The following PTPRO variants were observed in gnomAD, a reference collection of about 807,000 sequenced individuals.
PTPRO encodes receptor-type tyrosine-protein phosphatase O.
Under a neutral mutation model 145.2 loss-of-function variants are expected in PTPRO, and 62 were observed. The ratio of observed to expected loss-of-function variants is 0.43; its 90% CI spans 0.35 to 0.53. The LOEUF (loss-of-function observed/expected upper bound fraction) is 0.53. PTPRO is among the 20% of genes least tolerant of loss of function. The pLI is 0.01. For synonymous variants in PTPRO, 565 were observed against 514.7 expected, an observed-to-expected ratio of 1.10 and a Z score of -1.32; for missense variants, 1,345 against 1,482.7, an observed-to-expected ratio of 0.91 and a Z score of 1.53.
chr12:15,422,436 C>A (rs1373107905), intron 1 of PTPRO, among the ~76,000 whole-genome samples: 1 of 152,016 alleles, frequency 6.6e-6, no homozygotes, highest in Non-Finnish European at 1.5e-5. Context: ...AAAAATTCTC[C>A]ATAATTGAGT....
At chr12:15,542,064 G>T (rs1432872896) in intron 12 of PTPRO, among the ~76,000 whole-genome samples, 1 of 152,122 alleles carries the variant, frequency 6.6e-6, no homozygotes, top group Non-Finnish European at 1.5e-5. Context: ...TTCAGCATAT[G>T]AATTTAGGCG....
At chr12:15,340,765 G>A (rs1358324591) in intron 1 of PTPRO, among the ~76,000 whole-genome samples, 1 of 152,136 alleles carries the variant, frequency 6.6e-6, no homozygotes, top group Admixed American at 6.5e-5. Context: ...AAGCCTGTAT[G>A]AGATTTTGTG....
chr12:15,376,148 G>A (rs1434679318), intron 1 of PTPRO, among the ~76,000 whole-genome samples: 2 of 151,884 alleles, frequency 1.3e-5, no homozygotes, highest in African/African-American at 4.8e-5. Context: ...ATAAAGTCAA[G>A]GAGACCCACA....
chr12:15,580,300 T>C (rs1944282842), intron 21 of PTPRO, among the ~76,000 whole-genome samples, 185 bp downstream of exon 21: 1 of 152,244 alleles, frequency 6.6e-6, no homozygotes. Context: ...AGATTACTAA[T>C]GTTTCTATTT....
chr12:15,325,395 T>C (rs1866416757), intron 1 of PTPRO, among the ~76,000 whole-genome samples: 1 of 152,334 alleles, frequency 6.6e-6, no homozygotes, highest in South Asian at 2.1e-4. Flanking sequence ...TCCTTATCCA[T>C]GGAGCAGTGA....
Position 15,508,640 on chromosome 12 carries a change from C to T in PTPRO, c.1337C>T (p.Ser446Leu). 3 of 1,614,082 alleles carry T rather than the reference C, an allele frequency of 1.9e-6. No individual in the cohort carries two copies. Among genetic ancestry groups the T allele is most frequent in the Admixed American group, 1.7e-5 (1 of 60,004 alleles). ...CACGTGAGTGTCCACGTTTTAAGCT[C>T]AACCACTGCCTTGATGTCCTGGACA... ...PQHVSVHVLS[S>L]TTALMSWTSS... The change falls in exon 7 of 27, where the codon TCA becomes TTA. Residue 446 changes from serine (S) to leucine (L), a missense_variant. Transcript: ENST00000281171.
At chr12:15,432,256 T>C (rs1224738960) in intron 1 of PTPRO, among the ~76,000 whole-genome samples, 1 of 152,244 alleles carries the variant, frequency 6.6e-6, no homozygotes, top group Non-Finnish European at 1.5e-5. Context: ...ATGCAGTATT[T>C]GGTTTTCCAT....
intron 1 of PTPRO, among the ~76,000 whole-genome samples, chr12:15,340,238 C>G (rs143668426): frequency 6.6e-6 from 1 of 152,292 alleles, no homozygotes; most frequent in African/African-American, 2.4e-5. Context: ...GTCCATTTGA[C>G]CACAGAACTC....
intron 24 of PTPRO, 113 bp downstream of exon 24, chr12:15,587,164 G>C: frequency 1.6e-6 from 2 of 1,218,840 alleles, no homozygotes; most frequent in Non-Finnish European, 2.3e-6. Context: ...AATAAACTCT[G>C]ATGTTTTTTA....
chr12:15,571,926 A>G (rs938721486), intron 19 of PTPRO, among the ~76,000 whole-genome samples: 1 of 152,216 alleles, frequency 6.6e-6, no homozygotes, highest in African/African-American at 2.4e-5. Flanking sequence ...TGAAAAGCAG[A>G]ATTATAAATT....
intron 1 of PTPRO, among the ~76,000 whole-genome samples, chr12:15,436,520 AC>A (rs2136350228): frequency 6.6e-6 from 1 of 152,296 alleles, no homozygotes; most frequent in African/African-American, 2.4e-5. Context: ...TCTGTGACTT[AC>A]CTTTCCACTG....
chr12:15,576,436 C>G (rs1262898452), intron 19 of PTPRO, among the ~76,000 whole-genome samples: 1 of 152,148 alleles, frequency 6.6e-6, no homozygotes, highest in Non-Finnish European at 1.5e-5. Flanking sequence ...AGTCAGCTTC[C>G]ACAATTAAAG....
chr12:15,337,530 C>A (rs1358598701), intron 1 of PTPRO: 1 of 152,166 alleles, frequency 6.6e-6, no homozygotes, highest in Non-Finnish European at 1.5e-5. Flanking sequence ...TCGCCCATCT[C>A]ACTCATCCAT....
chr12:15,417,587 A>C (rs534740452), intron 1 of PTPRO, among the ~76,000 whole-genome samples: 1 of 151,874 alleles, frequency 6.6e-6, no homozygotes, highest in East Asian at 1.9e-4. Context: ...AGACTTACTA[A>C]ATCAGAATCT....
intron 1 of PTPRO, among the ~76,000 whole-genome samples, chr12:15,455,830 A>G (rs1333404962): frequency 6.6e-6 from 1 of 152,082 alleles, no homozygotes; most frequent in East Asian, 1.9e-4. Flanking sequence ...CCTCTTTTTC[A>G]GTTTGAATGC....
chr12:15,335,311 C>T (rs909010085), intron 1 of PTPRO, among the ~76,000 whole-genome samples: 9 of 151,570 alleles, frequency 5.9e-5, no homozygotes, highest in African/African-American at 1.7e-4. Flanking sequence ...AGTAAAAGAC[C>T]GAGGGAATGG....
At chr12:15,359,259 T>G (rs1938096511) in intron 1 of PTPRO, among the ~76,000 whole-genome samples, 1 of 152,178 alleles carries the variant, frequency 6.6e-6, no homozygotes, top group Non-Finnish European at 1.5e-5. Flanking sequence ...GTAATATTGA[T>G]TCTTACCCAT....
intron 1 of PTPRO, among the ~76,000 whole-genome samples, chr12:15,435,446 T>C (rs1213532017): frequency 6.6e-6 from 1 of 152,194 alleles, no homozygotes; most frequent in Non-Finnish European, 1.5e-5. Context: ...AACTTATTTA[T>C]TAATGTCAAC....
intron 1 of PTPRO, among the ~76,000 whole-genome samples, chr12:15,405,878 A>T (rs918197568): frequency 6.6e-6 from 1 of 152,230 alleles, no homozygotes; most frequent in African/African-American, 2.4e-5. Context: ...GGAGAAAGAC[A>T]TGAGGTACAG....
Sources: gnomAD v4.1 joint callset for allele counts (sites outside exome capture counted in the v4.1 genomes callset) on GRCh38, gnomAD v4.1.1 for gene constraint, MANE v1.5 for transcripts, NCBI Gene and HGNC (gene_info 2026-07-23, HGNC 2026-07-21) for gene names.